The following HAGHL variants were observed in gnomAD, a reference collection of about 807,000 sequenced individuals.
HAGHL encodes the protein hydroxyacylglutathione hydrolase like, also known as hydroxyacylglutathione hydrolase-like protein.
Under a neutral mutation model 29.2 loss-of-function variants are expected in HAGHL, and 27 were observed. That is an observed-to-expected ratio of 0.92 (90% CI 0.68 to 1.27). HAGHL has a LOEUF of 1.27. HAGHL is among the 50% of genes most tolerant of loss of function. HAGHL has a pLI of 0.00. For missense variants in HAGHL, 529 were observed against 405.5 expected, an observed-to-expected ratio of 1.30 and a Z score of -2.62; for synonymous variants, 223 against 185.7, an observed-to-expected ratio of 1.20 and a Z score of -1.63.
intron 1 of HAGHL, 34 bp downstream of exon 1, chr16:727,648 C>G (rs771521792): frequency 2.1e-6 from 3 of 1,442,286 alleles, no homozygotes; most frequent in African/African-American, 1.4e-5. Flanking sequence ...GGGACCCGGC[C>G]GTGTCCCCCG....
rs1278492729 is a variant in HAGHL, at chr16:728,338, G to A, written c.311G>A (p.Cys104Tyr). ...ELRFGAIHVR[C>Y]LLTPGHTAGH... The stretch of plus-strand genomic sequence containing the variant: ...CAGTTCGGGGCCATCCACGTGCGTT[G>A]CCTCCTGACGCCCGGCCACACCGCC... Residue 104 changes from cysteine to tyrosine, a missense_variant, in exon 4 of 8, where the codon TGC becomes TAC. Cys to Tyr is a radical substitution (Grantham distance 194, BLOSUM62 -2). Transcript: ENST00000389703. The A allele has an allele frequency of 1.9e-6, 3 of 1,567,404 alleles. No homozygotes were observed. In the South Asian group the frequency reaches 3.5e-5, roughly 18 times the overall value.
In HAGHL at chr16:728,206, C is replaced by G; in HGVS notation, c.261C>G (p.Arg87=). 6.9e-7 allele frequency: 1 copy of G among 1,451,694 alleles called. No homozygotes were observed. The highest frequency in any genetic ancestry group is 9.0e-7 in the Non-Finnish European group (1 of 1,113,326). 89.9% of individuals were successfully genotyped at this position (1,451,694 alleles called of 1,614,324 possible). A position where few individuals can be genotyped will look rare whatever the true frequency, so the allele number is the denominator to read the frequency against. The part of the protein sequence containing the change: ...GADERIFSLT[R]RLAHGEELRF... ...ACGAGCGCATCTTCTCGCTGACGCG[C>G]AGGCTGGCGCACGGCGAGGAGCTGC... Residue 87 remains arginine, a synonymous_variant, in exon 3 of 8, where the codon CGC becomes CGG. Transcript: ENST00000389703.
Position 728,613 on chromosome 16 carries a change from G to T in HAGHL, c.498+9G>T. The T allele has an allele frequency of 4.1e-6, 6 of 1,456,230 alleles. No individual in the cohort carries two copies. The highest frequency in any genetic ancestry group is 5.5e-6 in the Non-Finnish European group (6 of 1,089,978). 90.2% of individuals were successfully genotyped at this position (1,456,230 alleles called of 1,614,324 possible). A position where few individuals can be genotyped will look rare whatever the true frequency, so the allele number is the denominator to read the frequency against. ...CCCTGCCCCCCGAGACGGTGAGCGG[G>T]CCTGGGCCCTCCCCTCTTCTCCCGT... On this transcript the variant is annotated intron_variant, in intron 5 of 7. Transcript: ENST00000389703.
Position 729,646 on chromosome 16 carries a change from G to A in HAGHL, c.*190G>A, listed in dbSNP as rs777494488. 12 of 1,514,964 alleles carry A rather than the reference G, an allele frequency of 7.9e-6. No homozygotes were observed. Among genetic ancestry groups the A allele is most frequent in the African/African-American group, 2.8e-5 (2 of 71,992 alleles). The allele number at this position is 1,514,964 out of a possible 1,614,324, so 93.8% of individuals were successfully genotyped here. A position where few individuals can be genotyped will look rare whatever the true frequency, so the allele number is the denominator to read the frequency against. On this transcript the variant is annotated 3_prime_UTR_variant, in exon 8 of 8. Coordinates refer to ENST00000389703, the MANE Select transcript of HAGHL (RefSeq NM_032304.4). ...ACCACTCAGTGGGGCCTGTGTGGGC[G>A]CCGAGACCTGGGTGTCTGGGAAGTG...
chr16:727,774 T>G (rs2041084379), intron 1 of HAGHL, 160 bp downstream of exon 1: 1 of 730,580 alleles, frequency 1.4e-6, no homozygotes, highest in Non-Finnish European at 2.3e-6. Flanking sequence ...ACGGCACCTC[T>G]GGCCTCCGCC....
Position 728,552 on chromosome 16 carries a change from C to A in HAGHL, c.446C>A (p.Ala149Asp). 6.6e-7 allele frequency: 1 copy of A among 1,526,222 alleles called. No individual in the cohort carries two copies. Among genetic ancestry groups the A allele is most frequent in the Non-Finnish European group, 8.7e-7 (1 of 1,142,890 alleles). 94.5% of individuals were successfully genotyped at this position (1,526,222 alleles called of 1,614,324 possible). A position where few individuals can be genotyped will look rare whatever the true frequency, so the allele number is the denominator to read the frequency against. The change falls in exon 5 of 8, where the codon GCC (alanine) becomes GAC (aspartate). Residue 149 changes from alanine to aspartate, a missense_variant. Ala to Asp is a moderately radical substitution (Grantham distance 126). Transcript: ENST00000389703. ...TGCGGCTCGTGCCTGGAGGGCAGCGCCCAGCAGATGTACCAGAGCCTGGCC... is the reference window on the plus strand; with the variant it reads ...TGCGGCTCGTGCCTGGAGGGCAGCGACCAGCAGATGTACCAGAGCCTGGCC... ...AGCGSCLEGS[A>D]QQMYQSLAEL...
In HAGHL at chr16:727,207, C is replaced by G. The variant is rs1261508376; in HGVS notation, c.-303C>G. 8 of 287,958 alleles carry G rather than the reference C, an allele frequency of 2.8e-5. No individual in the cohort carries two copies. Among genetic ancestry groups the G allele is most frequent in the African/African-American group, 6.7e-5 (3 of 44,488 alleles). 17.8% of individuals were successfully genotyped at this position (287,958 alleles called of 1,614,324 possible). A position where few individuals can be genotyped will look rare whatever the true frequency, so the allele number is the denominator to read the frequency against. The stretch of plus-strand genomic sequence containing the variant: ...GGTCTTGCGGCGGCAGGGCGGGGGG[C>G]CGAGGGGCGGGGCCTGGGAGGAAGG... On this transcript the variant is annotated 5_prime_UTR_variant, in exon 1 of 8. Transcript: ENST00000389703.
chr16:728,253 A>C lies in HAGHL; in HGVS notation c.288+20A>C. ...CTGCGGGTGAGCGCGCGCTCCCGGG[A>C]GGGGCGGGGAGGGCGCCCCGGGTCC... On this transcript the variant is annotated intron_variant, in intron 3 of 7. Coordinates refer to ENST00000389703, the MANE Select transcript of HAGHL (RefSeq NM_032304.4). 1.3e-6 allele frequency: 2 copies of C among 1,499,298 alleles called. No individual in the cohort carries two copies. The highest frequency in any genetic ancestry group is 1.8e-6 in the Non-Finnish European group (2 of 1,130,436). 92.9% of individuals were successfully genotyped at this position (1,499,298 alleles called of 1,614,324 possible).
intron 7 of HAGHL, 83 bp from the exon 8 acceptor site, chr16:729,205 G>C: frequency 6.4e-7 from 1 of 1,555,548 alleles, no homozygotes; most frequent in Non-Finnish European, 8.7e-7. Context: ...TGCTCATTAA[G>C]TGCCTGCCTG....
In HAGHL at chr16:729,617, C is replaced by G. The variant is rs1438358066; in HGVS notation, c.*161C>G. ...ACCTGGTGCTTCCCGGGTGGACACA[C>G]AGGACCACTCAGTGGGGCCTGTGTG... On this transcript the variant is annotated 3_prime_UTR_variant, in exon 8 of 8. Coordinates refer to ENST00000389703, the MANE Select transcript of HAGHL (RefSeq NM_032304.4). 2.9e-5 allele frequency: 44 copies of G among 1,527,820 alleles called. No individual in the cohort carries two copies. Among genetic ancestry groups the G allele is most frequent in the Non-Finnish European group, 3.8e-5 (44 of 1,143,238 alleles). 94.6% of individuals were successfully genotyped at this position (1,527,820 alleles called of 1,614,324 possible).
In HAGHL at chr16:728,139, AGCTGGCGCGGCTTCGTCCCGG is replaced by A; in HGVS notation, c.202_222del (p.Arg68_Ala74del). 1.4e-6 allele frequency: 2 copies of A among 1,474,134 alleles called. No individual in the cohort carries two copies. Among genetic ancestry groups the A allele is most frequent in the Non-Finnish European group, 1.8e-6 (2 of 1,119,276 alleles). The allele number at this position is 1,474,134 out of a possible 1,614,324, so 91.3% of individuals were successfully genotyped here. A position where few individuals can be genotyped will look rare whatever the true frequency, so the allele number is the denominator to read the frequency against. On this transcript the variant is annotated inframe_deletion, in exon 3 of 8. Coordinates refer to ENST00000389703, the MANE Select transcript of HAGHL (RefSeq NM_032304.4). The stretch of plus-strand genomic sequence containing the variant: ...AGGGACCACGCGCGGGGAAACCCGG[AGCTGGCGCGGCTTCGTCCCGG>A]GCTGGCGGTGCTGGGCGCGGACGAG...
rs1336384689 is a variant in HAGHL at position 728,707 on chromosome 16, G to A, written c.499-87G>A. On this transcript the variant is annotated intron_variant, in intron 5 of 7. Transcript: ENST00000389703. ...CAGAGTGAATGCCCACCTGAGGGCA[G>A]ACCGGGCAGGGGAGGCCAGGCCCCC... The A allele has an allele frequency of 7.3e-6, 10 of 1,369,230 alleles. No individual in the cohort carries two copies. The East Asian group carries it at 1.7e-4, about 23-fold the overall frequency. The allele number at this position is 1,369,230 out of a possible 1,614,324, so 84.8% of individuals were successfully genotyped here.
At chr16:727,726 G>A in intron 1 of HAGHL, 112 bp downstream of exon 1, 1 of 769,088 alleles carries the variant, frequency 1.3e-6, no homozygotes, top group South Asian at 1.7e-5. Context: ...GTCATTGGCG[G>A]CTGGGGTTCC....
Position 729,648 on chromosome 16 carries a change from C to G in HAGHL, c.*192C>G. The G allele has an allele frequency of 6.6e-7, 1 of 1,514,772 alleles. No individual in the cohort carries two copies. The highest frequency in any genetic ancestry group is 8.8e-7 in the Non-Finnish European group (1 of 1,135,710). The allele number at this position is 1,514,772 out of a possible 1,614,324, so 93.8% of individuals were successfully genotyped here. A position where few individuals can be genotyped will look rare whatever the true frequency, so the allele number is the denominator to read the frequency against. On this transcript the variant is annotated 3_prime_UTR_variant, in exon 8 of 8. Coordinates refer to ENST00000389703, the MANE Select transcript of HAGHL (RefSeq NM_032304.4). ...CACTCAGTGGGGCCTGTGTGGGCGC[C>G]GAGACCTGGGTGTCTGGGAAGTGGG...
At chr16:727,745 C>A in intron 1 of HAGHL, 131 bp downstream of exon 1, 1 of 728,876 alleles carries the variant, frequency 1.4e-6, no homozygotes, top group Non-Finnish European at 2.3e-6. Flanking sequence ...CCTTGTTTAT[C>A]TTGGGGCTCC....
At position 729,027 on chromosome 16, in the gene HAGHL, G is replaced by A. The variant is rs369303595; in HGVS notation, c.619G>A (p.Val207Met). Reference sequence around the variant, plus strand: ...ACTCCAGAAGAGGGATGAGGATGACGTGCCCACTGTGCCGTCGACTCTGGG... The same window carrying A: ...ACTCCAGAAGAGGGATGAGGATGACATGCCCACTGTGCCGTCGACTCTGGG... ...SWAKKRDEDD[V>M]PTVPSTLGEE... The change falls in exon 7 of 8, where the codon GTG becomes ATG. Residue 207 changes from valine to methionine, a missense_variant. Transcript: ENST00000389703. 9.3e-6 allele frequency: 15 copies of A among 1,609,632 alleles called. No individual in the cohort carries two copies. The highest frequency in any genetic ancestry group is 8.4e-5 in the Admixed American group (5 of 59,828).
chr16:728,170 G>A lies in HAGHL; in HGVS notation c.225G>A (p.Val75=). 3.4e-6 allele frequency: 5 copies of A among 1,464,438 alleles called. No homozygotes were observed. Among genetic ancestry groups the A allele is most frequent in the South Asian group, 2.7e-5 (2 of 72,904 alleles). 90.7% of individuals were successfully genotyped at this position (1,464,438 alleles called of 1,614,324 possible). Residue 75 remains valine, a synonymous_variant, in exon 3 of 8, where the codon GTG becomes GTA. Coordinates refer to ENST00000389703, the MANE Select transcript of HAGHL (RefSeq NM_032304.4). The part of the protein sequence containing the change: ...ELARLRPGLA[V]LGADERIFSL... ...CGCGGCTTCGTCCCGGGCTGGCGGT[G>A]CTGGGCGCGGACGAGCGCATCTTCT...
chr16:728,805 C>T lies in HAGHL; in HGVS notation c.510C>T (p.Cys170=), dbSNP rs370191822. ...GTLPPETKVF[C]GHEHTLSNLE... is the part of the protein sequence containing the mutation. ...CGCTCTTCCTCCAGAAGGTGTTCTG[C>T]GGCCACGAGCACACGCTTAGCAACC... The change falls in exon 6 of 8, where the codon TGC becomes TGT. Residue 170 remains cysteine (C), a synonymous_variant. Coordinates refer to ENST00000389703, the MANE Select transcript of HAGHL (RefSeq NM_032304.4). 7 of 1,611,814 alleles carry T rather than the reference C, an allele frequency of 4.3e-6. No homozygotes were observed. Among genetic ancestry groups the T allele is most frequent in the African/African-American group, 2.7e-5 (2 of 75,058 alleles).
At chr16:728,916 C>T in intron 6 of HAGHL, 21 bp downstream of exon 6, 3 of 1,281,598 alleles carry the variant, frequency 2.3e-6, no homozygotes, top group East Asian at 2.6e-5. Flanking sequence ...TTTCCCGCCG[C>T]GGCAAGAGGG....
Sources: gnomAD v4.1 joint callset for allele counts on GRCh38, gnomAD v4.1.1 for gene constraint, MANE v1.5 for transcripts, NCBI Gene and HGNC (gene_info 2026-07-23, HGNC 2026-07-21) for gene names.